The following DYNC2I1 variants were observed in gnomAD, a reference collection of about 807,000 sequenced individuals.
The protein encoded by DYNC2I1 is dynein 2 intermediate chain 1, also known as cytoplasmic dynein 2 intermediate chain 1.
In DYNC2I1, 89 loss-of-function variants were observed where a neutral mutation model predicts 133.4. That is an observed-to-expected ratio of 0.67 (90% CI 0.56 to 0.80). DYNC2I1 has a LOEUF of 0.80. Among genes scored for constraint, DYNC2I1 ranks in the 30% least tolerant of loss-of-function variants. The pLI, the probability that DYNC2I1 is intolerant of heterozygous loss-of-function variation, is 0.00. For synonymous variants in DYNC2I1, 504 were observed against 484.3 expected (o/e 1.04, Z -0.54); for missense variants, 1,291 against 1,314.5 (o/e 0.98, Z 0.28).
intron 15 of DYNC2I1, among the ~76,000 whole-genome samples, chr7:158,921,365 G>A (rs759636331): frequency 1.8e-4 from 27 of 152,140 alleles, no homozygotes; most frequent in Non-Finnish European, 2.9e-4. Flanking sequence ...TGGGTCAGGC[G>A]TTGGTTGCCA....
intron 23 of DYNC2I1, among the ~76,000 whole-genome samples, chr7:158,941,049 T>G (rs1398718394): frequency 6.6e-6 from 1 of 152,036 alleles, no homozygotes; most frequent in African/African-American, 2.4e-5. Context: ...AGGTTAGGTT[T>G]TGAAAGATAA....
intron 16 of DYNC2I1, among the ~76,000 whole-genome samples, chr7:158,922,900 G>A (rs1849239001): frequency 6.6e-6 from 1 of 152,154 alleles, no homozygotes; most frequent in African/African-American, 2.4e-5. Flanking sequence ...CACTGTTTTG[G>A]TCCTGAGTGT....
intron 3 of DYNC2I1, among the ~76,000 whole-genome samples, chr7:158,875,091 C>CTTTT (rs35170585): frequency 1.9e-4 from 21 of 110,554 alleles, no homozygotes; most frequent in Admixed American, 4.2e-4. Context: ...TGGTAAATGC[C>CTTTT]TTTTTTTTTT....
At chr7:158,859,447 G>A (rs192075885) in intron 1 of DYNC2I1, among the ~76,000 whole-genome samples, 3 of 152,080 alleles carry the variant, frequency 2.0e-5, no homozygotes, top group South Asian at 4.1e-4. Flanking sequence ...TTTTTCATTC[G>A]TTATTTTTGA....
intron 17 of DYNC2I1, among the ~76,000 whole-genome samples, chr7:158,923,956 T>C (rs986009220): frequency 6.6e-6 from 1 of 152,228 alleles, no homozygotes; most frequent in Non-Finnish European, 1.5e-5. Flanking sequence ...TCTTAATAAA[T>C]TTGTGGATTC....
At chr7:158,840,663 A>T in the DYNC2I1 span, among the ~76,000 whole-genome samples, 7 of 152,276 alleles carry the variant, frequency 4.6e-5, no homozygotes, top group Non-Finnish European at 8.8e-5. Flanking sequence ...AATGTTTAAC[A>T]TTATACAAAA....
chr7:158,901,875 C>G (rs1846292134), intron 9 of DYNC2I1, 59 bp downstream of exon 9: 1 of 1,245,780 alleles, frequency 8.0e-7, no homozygotes, highest in African/African-American at 1.5e-5. Flanking sequence ...TAAAAATCAG[C>G]TTATATATAG....
At chr7:158,893,355 T>G (rs892824757) in intron 8 of DYNC2I1, among the ~76,000 whole-genome samples, 7 of 152,180 alleles carry the variant, frequency 4.6e-5, no homozygotes, top group Admixed American at 2.0e-4. Context: ...TACATCCCAG[T>G]AAACCCATAG....
At chr7:158,856,494 C>T (rs1841235437), upstream of DYNC2I1, 1 of 390,018 alleles carries the variant, frequency 2.6e-6, no homozygotes, top group Middle Eastern at 6.5e-4. Flanking sequence ...GAGCAGCGAC[C>T]ACTCGGCCTT....
intron 4 of DYNC2I1, among the ~76,000 whole-genome samples, chr7:158,878,379 G>A (rs1199380527): frequency 5.7e-5 from 8 of 140,850 alleles, no homozygotes; most frequent in African/African-American, 1.6e-4. Flanking sequence ...CAGGAGGGCC[G>A]ACTGTGAATG....
intron 23 of DYNC2I1, among the ~76,000 whole-genome samples, chr7:158,938,600 A>G (rs1320974304): frequency 6.6e-6 from 1 of 152,154 alleles, no homozygotes; most frequent in Non-Finnish European, 1.5e-5. Context: ...TACTAAAAAT[A>G]TAAAAATTAG....
chr7:158,945,551 G>T lies in DYNC2I1; in HGVS notation c.3003-30G>T. 2 of 1,578,090 alleles carry T rather than the reference G, an allele frequency of 1.3e-6. No individual in the cohort carries two copies. Among genetic ancestry groups the T allele is most frequent in the South Asian group, 1.2e-5 (1 of 86,098 alleles). On this transcript the variant is annotated intron_variant, in intron 24 of 24. Transcript: ENST00000407559. This position sits in a 1 kb window ranked among gnomAD's most constrained non-coding sequence, Gnocchi z 4.1. Reference sequence around the variant, plus strand: ...AACCGAATGTCCCTTTGTGTGCACTGACCCTCTGCTTCTGCCCCTCTCCCT... The same window carrying T: ...AACCGAATGTCCCTTTGTGTGCACTTACCCTCTGCTTCTGCCCCTCTCCCT...
At chr7:158,887,759 G>C (rs1002329108) in intron 7 of DYNC2I1, among the ~76,000 whole-genome samples, 3 of 152,166 alleles carry the variant, frequency 2.0e-5, no homozygotes, top group African/African-American at 7.2e-5. Context: ...GTTATTAATA[G>C]ACACTTGTTA....
intron 17 of DYNC2I1, among the ~76,000 whole-genome samples, chr7:158,924,411 C>T (rs574953777): frequency 6.6e-6 from 1 of 152,366 alleles, no homozygotes; most frequent in South Asian, 2.1e-4. Flanking sequence ...CCGAGGTCAT[C>T]ACTCACCCCT....
chr7:158,863,628 G>T (rs867309865), intron 1 of DYNC2I1, among the ~76,000 whole-genome samples: 15 of 110,900 alleles, frequency 1.4e-4, no homozygotes, highest in Middle Eastern at 5.0e-3. Flanking sequence ...GGTGTGTTTG[G>T]GGGGGGCGGT....
intron 4 of DYNC2I1, among the ~76,000 whole-genome samples, chr7:158,955,894 G>C (rs1852186007): frequency 6.6e-6 from 1 of 152,244 alleles, no homozygotes; most frequent in Non-Finnish European, 1.5e-5. Flanking sequence ...ACGAGAAGTA[G>C]AAATGTGTGT....
chr7:158,911,303 C>T (rs1402343774), intron 11 of DYNC2I1, among the ~76,000 whole-genome samples: 1 of 152,028 alleles, frequency 6.6e-6, no homozygotes, highest in East Asian at 1.9e-4. Flanking sequence ...ACATGAGGTT[C>T]GTGACACACA....
At chr7:158,926,560 C>G in intron 19 of DYNC2I1, 97 bp downstream of exon 19, 4 of 1,353,676 alleles carry the variant, frequency 3.0e-6, no homozygotes, top group Non-Finnish European at 4.1e-6. Context: ...ACCCAGTTAG[C>G]TGTGGTGGGA....
chr7:158,890,863 T>C (rs1251517410), intron 7 of DYNC2I1, among the ~76,000 whole-genome samples: 1 of 152,150 alleles, frequency 6.6e-6, no homozygotes, highest in South Asian at 2.1e-4. Flanking sequence ...CGTGAACCAC[T>C]GTGCCCAGCC....
Sources: gnomAD v4.1 joint callset for allele counts (sites outside exome capture counted in the v4.1 genomes callset) on GRCh38, gnomAD v4.1.1 for gene constraint, Gnocchi (gnomAD v3.1) non-coding constraint, MANE v1.5 for transcripts, NCBI Gene and HGNC (gene_info 2026-07-23, HGNC 2026-07-21) for gene names.